The following PKNOX2 variants were observed in gnomAD, a reference collection of about 807,000 sequenced individuals.
The protein encoded by PKNOX2 is homeobox protein PKNOX2.
A neutral mutation model predicts 53.1 loss-of-function variants in PKNOX2; 14 were observed. The ratio of observed to expected loss-of-function variants is 0.26; its 90% confidence interval spans 0.17 to 0.41. The LOEUF (loss-of-function observed/expected upper bound fraction) is 0.41, where lower values mean the gene tolerates loss of function less well. PKNOX2 is among the 10% of genes least tolerant of loss of function. The pLI is 1.00. For synonymous variants in PKNOX2, 257 were observed against 242.8 expected, an observed-to-expected ratio of 1.06 and a Z score of -0.54; for missense variants, 496 against 602.8, an observed-to-expected ratio of 0.82 and a Z score of 1.85.
chr11:125,373,038 T>C (rs923739202), intron 5 of PKNOX2, among the ~76,000 whole-genome samples: 3 of 152,188 alleles, frequency 2.0e-5, no homozygotes, highest in African/African-American at 4.8e-5. Flanking sequence ...CTTGAGACTA[T>C]CCTAAAGGTC....
At chr11:125,296,453 T>C (rs868105771) in intron 2 of PKNOX2, among the ~76,000 whole-genome samples, 4 of 152,258 alleles carry the variant, frequency 2.6e-5, no homozygotes, top group Middle Eastern at 6.8e-3. Context: ...GTGCCCACAT[T>C]GGTCGCCTCA....
At chr11:125,329,545 G>A (rs145632990) in intron 2 of PKNOX2, among the ~76,000 whole-genome samples, 6 of 152,356 alleles carry the variant, frequency 3.9e-5, no homozygotes, top group Non-Finnish European at 8.8e-5. Context: ...GGAAGGAGAT[G>A]AAAGATATCT....
chr11:125,393,188 A>G (rs73621215), intron 6 of PKNOX2, among the ~76,000 whole-genome samples: 5,783 of 151,862 alleles, frequency 0.038, 153 homozygotes, highest in African/African-American at 0.06. Context: ...GAGAAGAGAA[A>G]GTTAATTGAA....
chr11:125,326,940 G>A (rs1949849215), intron 2 of PKNOX2, among the ~76,000 whole-genome samples: 1 of 152,190 alleles, frequency 6.6e-6, no homozygotes, highest in African/African-American at 2.4e-5. Context: ...CAGCTATTAG[G>A]GACTGCTGGC....
intron 2 of PKNOX2, among the ~76,000 whole-genome samples, chr11:125,295,576 G>T (rs2135932027): frequency 6.6e-6 from 1 of 152,324 alleles, no homozygotes; most frequent in South Asian, 2.1e-4. Flanking sequence ...TGAACTGGAG[G>T]ACACAGTGGG....
chr11:125,330,000 G>C (rs527433809), intron 2 of PKNOX2, among the ~76,000 whole-genome samples: 1 of 152,222 alleles, frequency 6.6e-6, no homozygotes, highest in Non-Finnish European at 1.5e-5. Flanking sequence ...GCAGTGCCTG[G>C]CATGGATGAG....
intron 7 of PKNOX2, among the ~76,000 whole-genome samples, chr11:125,408,460 C>T (rs893812805): frequency 2.6e-5 from 4 of 152,190 alleles, no homozygotes; most frequent in African/African-American, 9.7e-5. Context: ...CCTCCATCGC[C>T]CCACCCACCC....
intron 7 of PKNOX2, among the ~76,000 whole-genome samples, chr11:125,401,382 G>A (rs1282891650): frequency 6.6e-6 from 1 of 152,220 alleles, no homozygotes; most frequent in East Asian, 1.9e-4. Flanking sequence ...AGGCGGGAAA[G>A]TCAGGAGGAT....
intron 6 of PKNOX2, among the ~76,000 whole-genome samples, chr11:125,394,119 TA>T (rs1954246266): frequency 6.6e-6 from 1 of 152,192 alleles, no homozygotes; most frequent in South Asian, 2.1e-4. Context: ...ACAGTCTGAA[TA>T]AGAAACGTTT....
chr11:125,409,861 T>G (rs1035526898), intron 7 of PKNOX2, among the ~76,000 whole-genome samples: 2 of 151,904 alleles, frequency 1.3e-5, no homozygotes, highest in Non-Finnish European at 2.9e-5. Context: ...TAAATGAGAC[T>G]CTCTGAGATT....
chr11:125,174,863 C>T (rs1239894553), intron 1 of PKNOX2, among the ~76,000 whole-genome samples: 3 of 152,048 alleles, frequency 2.0e-5, no homozygotes, highest in Admixed American at 6.5e-5. Flanking sequence ...TCCCACTCTG[C>T]CCCCCACCCA....
chr11:125,315,608 T>C (rs75320944), intron 2 of PKNOX2, among the ~76,000 whole-genome samples: 8,439 of 152,236 alleles, frequency 0.055, 355 homozygotes, highest in Admixed American at 0.11. Flanking sequence ...CTTGCAGGGC[T>C]GGGAGGGCTG....
intron 2 of PKNOX2, among the ~76,000 whole-genome samples, chr11:125,277,930 A>T (rs1414516985): frequency 6.6e-6 from 1 of 152,150 alleles, no homozygotes; most frequent in Admixed American, 6.5e-5. Flanking sequence ...TTTTTTAAAG[A>T]GACTAGCTGG....
chr11:125,311,727 T>C lies in PKNOX2; in HGVS notation c.-129-20092T>C, dbSNP rs139032789. Reference sequence around the variant, plus strand: ...GGTAGAACGTAGCCTCGAACACTCATGTCAAGTTTTCTGTTCTACCCAGCG... The same window carrying C: ...GGTAGAACGTAGCCTCGAACACTCACGTCAAGTTTTCTGTTCTACCCAGCG... On this transcript the variant is annotated intron_variant, in intron 2 of 12. Transcript: ENST00000298282. Among the ~76,000 whole-genome samples the C allele has an allele frequency of 8.5e-3, 1,302 of 152,288 alleles. 9 individuals carry two copies. Among genetic ancestry groups the C allele is most frequent in the Non-Finnish European group, 0.013 (894 of 68,018 alleles).
chr11:125,259,065 C>A (rs907091822), intron 2 of PKNOX2: 1 of 165,372 alleles, frequency 6.0e-6, no homozygotes, highest in African/African-American at 2.4e-5. Context: ...TTCTTCTTCA[C>A]AAGGAGCCAG....
intron 1 of PKNOX2, among the ~76,000 whole-genome samples, chr11:125,207,894 G>A (rs1939331718): frequency 6.6e-6 from 1 of 152,016 alleles, no homozygotes; most frequent in Non-Finnish European, 1.5e-5. Context: ...AAACTGCCAG[G>A]GAGACTTAAT....
At chr11:125,399,216 C>A (rs186325937) in intron 7 of PKNOX2, among the ~76,000 whole-genome samples, 2 of 152,242 alleles carry the variant, frequency 1.3e-5, no homozygotes, top group African/African-American at 4.8e-5. Flanking sequence ...ACTTCCTCTT[C>A]CTCTCGCTTG....
intron 8 of PKNOX2, 151 bp from the exon 9 acceptor site, chr11:125,410,628 C>G: frequency 3.0e-6 from 2 of 672,670 alleles, no homozygotes; most frequent in Non-Finnish European, 5.2e-6. Context: ...CATCCCCCAC[C>G]CACCCATAAA....
rs538729419 is a variant in PKNOX2, at chr11:125,431,567, G to A, written c.*175G>A. 8.3e-6 allele frequency: 6 copies of A among 721,584 alleles called. No homozygotes were observed. Among genetic ancestry groups the A allele is most frequent in the South Asian group, 3.9e-5 (2 of 51,910 alleles). 44.7% of individuals were successfully genotyped at this position (721,584 alleles called of 1,614,324 possible). A position where few individuals can be genotyped will look rare whatever the true frequency, so the allele number is the denominator to read the frequency against. Reference sequence around the variant, plus strand: ...AGACACCTGTTCCTTCCCAACCACCGAGCTTCAATGAGGACCCCAGCCCCA... The same window carrying A: ...AGACACCTGTTCCTTCCCAACCACCAAGCTTCAATGAGGACCCCAGCCCCA... On this transcript the variant is annotated 3_prime_UTR_variant, in exon 13 of 13. Transcript: ENST00000298282.
Sources: allele counts gnomAD v4.1 joint callset (sites outside exome capture counted in the v4.1 genomes callset), GRCh38; gene constraint gnomAD v4.1.1; transcripts MANE v1.5; gene names NCBI Gene and HGNC (gene_info 2026-07-23, HGNC 2026-07-21).